CIMAP1B: variants seen among roughly 807,000 people sequenced by gnomAD.
CIMAP1B encodes ciliary microtubule associated protein 1B, also known as orf2 5' to PD-ECGF/TP.
chr22:50,531,545 T>TA, the CIMAP1B span: 1 of 1,373,458 alleles, frequency 7.3e-7, no homozygotes, highest in East Asian at 2.9e-5. Flanking sequence ...GGCGTTGGGG[T>TA]GGCCAGGGGC....
At chr22:50,530,558 G>T in the CIMAP1B span, 35 of 1,589,480 alleles carry the variant, frequency 2.2e-5, no homozygotes, top group Non-Finnish European at 2.9e-5. Flanking sequence ...GGGGCTTCCG[G>T]TGCTGCGGGC....
chr22:50,530,660 A>T, the CIMAP1B span: 1 of 1,596,850 alleles, frequency 6.3e-7, no homozygotes, highest in Non-Finnish European at 8.5e-7. Flanking sequence ...CTCCGACCTC[A>T]GGCCCTCCCC....
chr22:50,531,835 C>A, the CIMAP1B span: 2 of 1,336,342 alleles, frequency 1.5e-6, no homozygotes, highest in African/African-American at 3.1e-5. Flanking sequence ...GCAACACGGA[C>A]CCTCCCCCGG....
the CIMAP1B span, chr22:50,531,559 G>C: frequency 7.0e-7 from 1 of 1,426,838 alleles, no homozygotes; most frequent in Non-Finnish European, 9.1e-7. Context: ...CAGGGGCCCG[G>C]GGGTCCTGAC....
chr22:50,532,243 C>G, the CIMAP1B span: 1 of 1,003,852 alleles, frequency 1.0e-6, no homozygotes, highest in Non-Finnish European at 1.3e-6. Flanking sequence ...AAAACAAACG[C>G]GAGCTTCCTT....
At chr22:50,531,581 G>C in the CIMAP1B span, 1 of 1,416,654 alleles carries the variant, frequency 7.1e-7, no homozygotes, top group South Asian at 1.6e-5. Flanking sequence ...AGGTCCCGGA[G>C]TGAGGAAGGG....
At chr22:50,531,454 G>A in the CIMAP1B span, 1 of 1,075,006 alleles carries the variant, frequency 9.3e-7, no homozygotes, top group African/African-American at 1.6e-5. Flanking sequence ...TGGGGGTACC[G>A]AATATGCGGT....
the CIMAP1B span, chr22:50,532,256 CGG>C: frequency 3.4e-6 from 3 of 872,674 alleles, no homozygotes; most frequent in Non-Finnish European, 4.6e-6. Context: ...GCTTCCTTCC[CGG>C]CTGTGTGGAG....
chr22:50,531,327 G>C, the CIMAP1B span: 20 of 1,532,966 alleles, frequency 1.3e-5, no homozygotes, highest in African/African-American at 2.8e-5. Context: ...TGGGGGGCTA[G>C]AACTGCGTGG....
the CIMAP1B span, chr22:50,532,128 G>T: frequency 7.5e-7 from 1 of 1,332,672 alleles, no homozygotes; most frequent in African/African-American, 1.5e-5. Flanking sequence ...ACAGAAGGCG[G>T]TGGCCGCGGC....
chr22:50,530,947 T>G, the CIMAP1B span: 1 of 1,610,802 alleles, frequency 6.2e-7, no homozygotes, highest in Non-Finnish European at 8.5e-7. Context: ...CTTGCTGAGG[T>G]CCTCGAAGAA....
At chr22:50,531,721 G>T in the CIMAP1B span, 1 of 1,370,664 alleles carries the variant, frequency 7.3e-7, no homozygotes. Flanking sequence ...GGAAGCGCGC[G>T]CCGAAGGTGA....
chr22:50,531,213 G>A, the CIMAP1B span: 3 of 1,612,826 alleles, frequency 1.9e-6, no homozygotes, highest in East Asian at 4.5e-5. Flanking sequence ...GTTCCGCCTG[G>A]ACACCCCAGT....
the CIMAP1B span, chr22:50,530,573 A>G: frequency 1.3e-6 from 2 of 1,580,572 alleles, no homozygotes; most frequent in East Asian, 2.3e-5. Context: ...GCGGGCCCGG[A>G]GACACCGCTG....
the CIMAP1B span, chr22:50,532,245 A>G: frequency 1.0e-6 from 1 of 992,000 alleles, no homozygotes; most frequent in Non-Finnish European, 1.3e-6. Flanking sequence ...AACAAACGCG[A>G]GCTTCCTTCC....
the CIMAP1B span, chr22:50,531,623 T>G: frequency 1.4e-6 from 2 of 1,385,888 alleles, no homozygotes; most frequent in African/African-American, 1.5e-5. Context: ...GTAGATGGAG[T>G]AGGCGGGGGC....
At chr22:50,530,722 T>C in the CIMAP1B span, 1 of 1,612,036 alleles carries the variant, frequency 6.2e-7, no homozygotes, top group Non-Finnish European at 8.5e-7. Context: ...CTGATCCACG[T>C]TGTAGGCCGC....
At chr22:50,532,240 A>C in the CIMAP1B span, 2 of 1,008,164 alleles carry the variant, frequency 2.0e-6, no homozygotes, top group Non-Finnish European at 2.6e-6. Flanking sequence ...AGCAAAACAA[A>C]CGCGAGCTTC....
chr22:50,531,205 TC>T, the CIMAP1B span: 1 of 1,612,896 alleles, frequency 6.2e-7, no homozygotes, highest in Non-Finnish European at 8.5e-7. Flanking sequence ...GCTCTGCTGT[TC>T]CGCCTGGACA....
Sources: allele counts gnomAD v4.1 joint callset, GRCh38; gene constraint gnomAD v4.1.1; transcripts MANE v1.5; gene names NCBI Gene and HGNC (gene_info 2026-07-23, HGNC 2026-07-21).